The following COL9A1 variants were observed in gnomAD, a reference collection of about 807,000 sequenced individuals.
COL9A1 encodes collagen alpha-1(IX) chain.
Under a neutral mutation model 142.6 loss-of-function variants are expected in COL9A1, and 104 were observed. The ratio of observed to expected loss-of-function variants is 0.73; its 90% CI spans 0.62 to 0.86. The LOEUF is 0.86. COL9A1 is among the 40% of genes least tolerant of loss of function. The pLI is 0.00. For synonymous variants in COL9A1, 466 were observed against 396.0 expected, an observed-to-expected ratio of 1.18 and a Z score of -2.10; for missense variants, 1,210 against 1,176.6, an observed-to-expected ratio of 1.03 and a Z score of -0.42.
At position 70,272,067 on chromosome 6, in the gene COL9A1, G is replaced by C; in HGVS notation, c.1087C>G (p.Pro363Ala). 1.2e-6 allele frequency: 2 copies of C among 1,611,932 alleles called. No homozygotes were observed. Among genetic ancestry groups the C allele is most frequent in the Non-Finnish European group, 1.7e-6 (2 of 1,178,478 alleles). Residue 363 changes from proline (P) to alanine (A), a missense_variant and splice_region_variant, in exon 13 of 38, where the codon CCT becomes GCT. Coordinates refer to ENST00000357250, the MANE Select transcript of COL9A1 (RefSeq NM_001851.6). ...ATAAATGATGAAGTGATACTTACAG[G>C]GGGTCCAGGAATACCACGGCCCTAA... ...GFPGRGIPGP[P>A]GPPGTAGLPG...
At chr6:70,232,026 T>TA (rs988083430) in intron 36 of COL9A1, among the ~76,000 whole-genome samples, 3 of 151,968 alleles carry the variant, frequency 2.0e-5, no homozygotes, top group Non-Finnish European at 4.4e-5. Context: ...CAAGCTATCT[T>TA]ACATACTAAA....
chr6:70,302,144 A>G, intron 1 of COL9A1, 70 bp from the exon 2 acceptor site: 1 of 893,964 alleles, frequency 1.1e-6, no homozygotes, highest in Non-Finnish European at 1.8e-6. Flanking sequence ...CATATTTTCA[A>G]ACCTAGTAAA....
At chr6:70,257,725 C>T (rs777053102) in intron 20 of COL9A1, among the ~76,000 whole-genome samples, 3 of 152,150 alleles carry the variant, frequency 2.0e-5, no homozygotes, top group East Asian at 1.9e-4. Flanking sequence ...CCAGCATGGG[C>T]GACAGTGTGA....
At chr6:70,217,145 G>A in intron 37 of COL9A1, 64 bp from the exon 38 acceptor site, 1 of 1,555,712 alleles carries the variant, frequency 6.4e-7, no homozygotes, top group Non-Finnish European at 8.9e-7. Flanking sequence ...ACTGGCAGAG[G>A]GCATGGCTCA....
chr6:70,274,827 C>T (rs1182816706), intron 10 of COL9A1, 55 bp from the exon 11 acceptor site: 1 of 1,414,640 alleles, frequency 7.1e-7, no homozygotes, highest in Admixed American at 1.7e-5. Flanking sequence ...AGGCAAACCA[C>T]TAAGTAGAAA....
rs1163820187 is a variant in COL9A1, at chr6:70,255,197, C to T, written c.1564G>A (p.Glu522Lys). 6.2e-7 allele frequency: 1 copy of T among 1,614,194 alleles called. No individual in the cohort carries two copies. The highest frequency in any genetic ancestry group is 1.1e-5 in the South Asian group (1 of 91,084). ...AGACCAGGAATTCCTCTAGCACCTT[C>T]AGCCCCCTGCAGGGAGGAAGAGAAA... Reference protein sequence around the residue: ...EAGPKGDRGAEGARGIPGLPG... With the variant: ...EAGPKGDRGAKGARGIPGLPG... The change falls in exon 23 of 38, where the codon GAA (glutamate) becomes AAA (lysine). Residue 522 changes from glutamate (E) to lysine (K), a missense_variant. Coordinates refer to ENST00000357250, the MANE Select transcript of COL9A1 (RefSeq NM_001851.6).
At chr6:70,240,821 T>C in intron 31 of COL9A1, 88 bp from the exon 32 acceptor site, 2 of 987,250 alleles carry the variant, frequency 2.0e-6, no homozygotes, top group Non-Finnish European at 3.3e-6. Flanking sequence ...CATTCATAAG[T>C]GCCCACAGTG....
chr6:70,271,852 TTTAA>T, intron 13 of COL9A1, 144 bp from the exon 14 acceptor site: 3 of 971,480 alleles, frequency 3.1e-6, no homozygotes, highest in Non-Finnish European at 4.7e-6. Flanking sequence ...TTGACCAAAC[TTTAA>T]TTACTTAAGA....
At chr6:70,221,749 T>C (rs1228309592) in intron 37 of COL9A1, among the ~76,000 whole-genome samples, 1 of 152,222 alleles carries the variant, frequency 6.6e-6, no homozygotes, top group Non-Finnish European at 1.5e-5. Context: ...AAGTCAGGAC[T>C]CTTTATTATT....
In COL9A1 at chr6:70,225,160, T is replaced by C. The variant is rs375648905; in HGVS notation, c.2581+772A>G. ...TTCCTAAGCCACTGCCTCCCCACAA[T>C]AAGAGAGCGTTTGCTGGAAAGTTGC... On this transcript the variant is annotated intron_variant, in intron 37 of 37. Coordinates refer to ENST00000357250, the MANE Select transcript of COL9A1 (RefSeq NM_001851.6). 7.9e-5 allele frequency among the ~76,000 whole-genome samples: 12 copies of C among 152,306 alleles called. No homozygotes were observed. In the East Asian group the frequency reaches 1.5e-3, roughly 20 times the overall value.
chr6:70,232,490 A>G (rs554442935), intron 36 of COL9A1, 93 bp downstream of exon 36: 1 of 1,381,958 alleles, frequency 7.2e-7, no homozygotes, highest in South Asian at 1.2e-5. Context: ...GGATATTCAG[A>G]AATTGGTAAA....
At chr6:70,242,992 G>T (rs565391879) in intron 28 of COL9A1, among the ~76,000 whole-genome samples, 10 of 152,128 alleles carry the variant, frequency 6.6e-5, no homozygotes, top group Non-Finnish European at 1.2e-4. Flanking sequence ...CTTTTATTAT[G>T]GTTATTTGTG....
chr6:70,299,938 T>G (rs1177128837), intron 4 of COL9A1, 105 bp downstream of exon 4: 2 of 1,108,228 alleles, frequency 1.8e-6, no homozygotes, highest in African/African-American at 3.1e-5. Flanking sequence ...AATACAATTA[T>G]AATCCAAGAA....
At chr6:70,279,948 T>C (rs757090537) in intron 10 of COL9A1, 2 of 648,966 alleles carry the variant, frequency 3.1e-6, no homozygotes, top group Non-Finnish European at 5.8e-6. Flanking sequence ...TGCACCATGG[T>C]ATGCTAAGAA....
chr6:70,241,980 C>T lies in COL9A1; in HGVS notation c.1982G>A (p.Gly661Glu). Residue 661 changes from glycine to glutamate, a missense_variant, in exon 30 of 38, where the codon GGA becomes GAA. By Grantham distance (98) the Gly-to-Glu change is moderately conservative (BLOSUM62 -2). Transcript: ENST00000357250. ...AGCTCTTACCCTGTCACCTTTCATT[C>T]CAGGAAGTCCAGGGGGCCCAGGCAA... is the stretch of plus-strand genomic sequence containing the variant. ...PGLPGPPGLP[G>E]MKGDRGVVGE... 6.3e-7 allele frequency: 1 copy of T among 1,596,476 alleles called. No individual in the cohort carries two copies.
At chr6:70,302,193 T>A (rs1774091749) in intron 1 of COL9A1, 119 bp from the exon 2 acceptor site, 1 of 632,708 alleles carries the variant, frequency 1.6e-6, no homozygotes. Flanking sequence ...AGTATAGTTT[T>A]TTTTTCATTT....
Position 70,234,911 on chromosome 6 carries a change from T to C in COL9A1, c.2142A>G (p.Arg714=). ...SAGNPGEPGL[R]GPEGSRGLPG... The stretch of plus-strand genomic sequence containing the variant: ...GAAGCCCCCGACTTCCCTCAGGCCC[T>C]CTCAAGCCAGGTTCCCCAGGATTAC... The change falls in exon 34 of 38, where the codon AGA becomes AGG. Residue 714 remains arginine, a synonymous_variant. Coordinates refer to ENST00000357250, the MANE Select transcript of COL9A1 (RefSeq NM_001851.6). 1.2e-6 allele frequency: 2 copies of C among 1,614,122 alleles called. No homozygotes were observed. The highest frequency in any genetic ancestry group is 1.7e-6 in the Non-Finnish European group (2 of 1,180,006).
intron 18 of COL9A1, among the ~76,000 whole-genome samples, chr6:70,263,785 A>T (rs1007291086): frequency 6.6e-6 from 1 of 151,956 alleles, no homozygotes; most frequent in South Asian, 2.1e-4. Context: ...TGCACCATAT[A>T]CAATATTTTA....
At position 70,302,876 on chromosome 6, in the gene COL9A1, T is replaced by A. The variant is rs779110821; in HGVS notation, c.14+35A>T. Reference sequence around the variant, plus strand: ...TTGGTTCTGAGGACCCCCAGCTCCATCTCCCCACCACTCTTTCCAGGGTTA... The same window carrying A: ...TTGGTTCTGAGGACCCCCAGCTCCAACTCCCCACCACTCTTTCCAGGGTTA... On this transcript the variant is annotated intron_variant, in intron 1 of 37. Transcript: ENST00000357250. The A allele has an allele frequency of 1.9e-6, 3 of 1,612,698 alleles. No homozygotes were observed. The South Asian group carries it at 3.3e-5, about 18-fold the overall frequency.
Sources: allele counts gnomAD v4.1 joint callset (sites outside exome capture counted in the v4.1 genomes callset), GRCh38; gene constraint gnomAD v4.1.1; transcripts MANE v1.5; gene names NCBI Gene and HGNC (gene_info 2026-07-23, HGNC 2026-07-21).